The following RALGAPA1 variants were observed in gnomAD, a reference collection of about 807,000 sequenced individuals.
RALGAPA1 encodes Ral GTPase activating protein catalytic subunit alpha 1, also known as ral GTPase-activating protein subunit alpha-1.
In RALGAPA1, 52 loss-of-function variants were observed where a neutral mutation model predicts 269.6. That is an observed-to-expected ratio of 0.19 (90% CI 0.15 to 0.24). The LOEUF is 0.24. RALGAPA1 is among the 10% of genes least tolerant of loss of function. RALGAPA1 has a pLI of 1.00. For synonymous variants in RALGAPA1, 817 were observed against 1,008.3 expected, an observed-to-expected ratio of 0.81 and a Z score of 3.60; for missense variants, 1,917 against 3,013.9, an observed-to-expected ratio of 0.64 and a Z score of 8.52.
intron 1 of RALGAPA1, among the ~76,000 whole-genome samples, chr14:35,803,014 A>G (rs1033550363): frequency 3.9e-5 from 6 of 152,142 alleles, no homozygotes; most frequent in African/African-American, 1.4e-4. Flanking sequence ...TCATATGGAA[A>G]TGTAAAGGAC....
intron 41 of RALGAPA1, chr14:35,541,706 G>C (rs754874813): frequency 2.2e-6 from 1 of 456,498 alleles, no homozygotes; most frequent in East Asian, 6.9e-5. Flanking sequence ...TATCATTCCC[G>C]GCCATCACGA....
chr14:35,665,653 T>C (rs937766732), intron 26 of RALGAPA1, among the ~76,000 whole-genome samples: 8 of 152,140 alleles, frequency 5.3e-5, no homozygotes, highest in African/African-American at 1.7e-4. Flanking sequence ...TTAAAAACAA[T>C]GTGGATTTAA....
chr14:35,775,134 G>C, intron 2 of RALGAPA1, 79 bp from the exon 3 acceptor site: 2 of 841,722 alleles, frequency 2.4e-6, no homozygotes, highest in South Asian at 3.2e-5. Context: ...CAAGAATGAA[G>C]GTTTTTTTTT....
intron 4 of RALGAPA1, chr14:35,766,349 A>C: frequency 7.7e-7 from 1 of 1,306,264 alleles, no homozygotes; most frequent in Admixed American, 1.9e-5. Context: ...CCAGTTTGAC[A>C]AATGTGAGCA....
intron 39 of RALGAPA1, among the ~76,000 whole-genome samples, chr14:35,557,603 G>A (rs561277086): frequency 3.3e-5 from 5 of 152,046 alleles, no homozygotes; most frequent in Non-Finnish European, 7.4e-5. Context: ...CATTAATCTT[G>A]ACTTAAATAC....
intron 17 of RALGAPA1, among the ~76,000 whole-genome samples, chr14:35,696,924 T>C (rs2066946542): frequency 6.6e-6 from 1 of 152,228 alleles, no homozygotes; most frequent in African/African-American, 2.4e-5. Context: ...CATTAAACTA[T>C]TCTAAAGTAA....
At chr14:35,658,240 G>C (rs1364934840) in intron 28 of RALGAPA1, among the ~76,000 whole-genome samples, 1 of 152,102 alleles carries the variant, frequency 6.6e-6, no homozygotes, top group African/African-American at 2.4e-5. Flanking sequence ...TGGCTATTGA[G>C]AAAAATATAC....
rs1489501377 is a variant in RALGAPA1, at chr14:35,593,225, A to G, written c.7209+2409T>C. 1.4e-4 allele frequency among the ~76,000 whole-genome samples: 21 copies of G among 152,206 alleles called. 1 individual carries two copies. The highest frequency in any genetic ancestry group is 1.4e-3 in the Admixed American group (21 of 15,274). On this transcript the variant is annotated intron_variant, in intron 37 of 41. Coordinates refer to ENST00000680220, the MANE Select transcript of RALGAPA1 (RefSeq NM_001346249.2). ...ATACAAATTATGACTTAGCTGAAAA[A>G]TCAAGAAAACAATCCTATTTATGAT... is the stretch of plus-strand genomic sequence containing the variant.
In RALGAPA1 at chr14:35,572,718, A is replaced by G. The variant is rs148459349; in HGVS notation, c.7210T>C (p.Leu2404=). The G allele has an allele frequency of 1.3e-5, 21 of 1,596,024 alleles. No homozygotes were observed. The highest frequency in any genetic ancestry group is 1.2e-4 in the African/African-American group (9 of 74,248). Residue 2404 remains leucine, a splice_region_variant and synonymous_variant, in exon 38 of 42, where the codon TTG becomes CTG. Transcript: ENST00000680220. ...SDSDDSLTKK[L]RHLGNDEVHI... is the part of the protein sequence containing the mutation. ...ACTTCATCATTTCCCAAATGTCTCA[A>G]CTGGAAAGACAAGAAAACAATTTAT... is the stretch of plus-strand genomic sequence containing the variant.
chr14:35,716,602 C>T (rs745840266), intron 16 of RALGAPA1, among the ~76,000 whole-genome samples: 12 of 151,942 alleles, frequency 7.9e-5, no homozygotes, highest in Non-Finnish European at 1.5e-4. Context: ...GATATTCAAT[C>T]CATATTCAAA....
intron 16 of RALGAPA1, among the ~76,000 whole-genome samples, chr14:35,713,382 T>C (rs140601293): frequency 1.3e-5 from 2 of 152,358 alleles, no homozygotes; most frequent in African/African-American, 4.8e-5. Context: ...ACTTGGTTAT[T>C]CTCTATCCCC....
intron 31 of RALGAPA1, among the ~76,000 whole-genome samples, chr14:35,641,311 T>G (rs913252779): frequency 6.6e-6 from 1 of 152,210 alleles, no homozygotes; most frequent in East Asian, 1.9e-4. Context: ...TTATCCTTGT[T>G]TGCTGACGAT....
chr14:35,588,691 G>A (rs1316898023), intron 37 of RALGAPA1, among the ~76,000 whole-genome samples: 1 of 152,136 alleles, frequency 6.6e-6, no homozygotes, highest in East Asian at 1.9e-4. Flanking sequence ...AAAACAGTAT[G>A]GGGGTTCTTC....
intron 4 of RALGAPA1, among the ~76,000 whole-genome samples, chr14:35,763,663 C>T (rs1260820296): frequency 2.6e-5 from 4 of 151,828 alleles, no homozygotes; most frequent in Middle Eastern, 3.4e-3. Context: ...ATTTATTTAT[C>T]GTCTTTATAT....
At chr14:35,790,374 A>C (rs185842358) in intron 1 of RALGAPA1, among the ~76,000 whole-genome samples, 7 of 152,200 alleles carry the variant, frequency 4.6e-5, no homozygotes, top group African/African-American at 1.2e-4. Flanking sequence ...AATATGAGGA[A>C]ATAGTACCAT....
rs749243254 is a variant in RALGAPA1 at position 35,634,696 on chromosome 14, C to T, written c.5873G>A (p.Ser1958Asn). The change falls in exon 33 of 42, where the codon AGC becomes AAC. Residue 1958 changes from serine to asparagine, a missense_variant. By Grantham distance (46) the Ser-to-Asn change is conservative. Around this residue, in one of 11 missense-constraint regions of RALGAPA1, gnomAD observed 346 missense variants for 566.1 expected, o/e 0.61. Transcript: ENST00000680220. ...CFSNPRYFPM[S>N]LSDLASVDYD... ...ATCTACAGATGCCAAATCAGAGAGGCTCATGGGAAAATACCTTGGATTGCT... is the reference window on the plus strand; with the variant it reads ...ATCTACAGATGCCAAATCAGAGAGGTTCATGGGAAAATACCTTGGATTGCT... 17 of 1,613,140 alleles carry T rather than the reference C, an allele frequency of 1.1e-5. No homozygotes were observed. The Middle Eastern group carries it at 6.6e-4, about 62-fold the overall frequency.
chr14:35,550,440 A>AT (rs1353030158), intron 39 of RALGAPA1, among the ~76,000 whole-genome samples: 4 of 152,028 alleles, frequency 2.6e-5, no homozygotes, highest in African/African-American at 9.7e-5. Flanking sequence ...AAAATTCCTT[A>AT]TTTTTTAAAA....
chr14:35,691,922 C>T lies in RALGAPA1; in HGVS notation c.2408-1919G>A, dbSNP rs111401200. On this transcript the variant is annotated intron_variant, in intron 17 of 41. Transcript: ENST00000680220. ...AATGACATTGTTTTTCTTCCTCATG[C>T]ACTCCACTGAGAAATTTTTCTAAGT... is the stretch of plus-strand genomic sequence containing the variant. 7.4e-3 allele frequency among the ~76,000 whole-genome samples: 1,131 copies of T among 152,222 alleles called. 16 individuals carry two copies. Among genetic ancestry groups the T allele is most frequent in the African/African-American group, 0.025 (1,056 of 41,566 alleles).
chr14:35,733,540 A>T (rs1002789922), intron 12 of RALGAPA1, among the ~76,000 whole-genome samples: 3 of 152,100 alleles, frequency 2.0e-5, no homozygotes, highest in African/African-American at 7.2e-5. Context: ...ATAATGACAC[A>T]ATCTATCAAA....
Sources: gnomAD v4.1 joint callset for allele counts (sites outside exome capture counted in the v4.1 genomes callset) on GRCh38, gnomAD v4.1.1 for gene constraint, gnomAD v4.1.1 regional missense constraint, MANE v1.5 for transcripts, NCBI Gene and HGNC (gene_info 2026-07-23, HGNC 2026-07-21) for gene names.